Variants in AUTS2 observed in about 807,000 individuals in gnomAD.
AUTS2 encodes the protein activator of transcription and developmental regulator AUTS2, also known as autism susceptibility gene 2 protein.
AUTS2 carries 17 observed loss-of-function variants against 112.4 expected under a neutral mutation model. That is an observed-to-expected ratio of 0.15 (90% CI 0.10 to 0.23). The LOEUF (loss-of-function observed/expected upper bound fraction) is 0.23. AUTS2 is among the 10% of genes least tolerant of loss of function. AUTS2 has a pLI of 1.00. For synonymous variants in AUTS2, 751 were observed against 702.7 expected (o/e 1.07, Z -1.09); for missense variants, 1,510 against 1,701.6 (o/e 0.89, Z 1.98).
At chr7:70,681,694 T>C (rs1255226031) in intron 5 of AUTS2, among the ~76,000 whole-genome samples, 1 of 151,938 alleles carries the variant, frequency 6.6e-6, no homozygotes, top group Admixed American at 6.6e-5. Context: ...GCTGAGGAAG[T>C]GTTAAGTGAA....
intron 2 of AUTS2, among the ~76,000 whole-genome samples, chr7:69,924,608 A>G (rs892878911): frequency 6.7e-5 from 10 of 150,300 alleles, no homozygotes; most frequent in Non-Finnish European, 1.0e-4. Flanking sequence ...CTGAAGTGCA[A>G]TGGCGCAAAC....
chr7:70,336,222 A>G (rs951474194), intron 4 of AUTS2, among the ~76,000 whole-genome samples: 1 of 152,218 alleles, frequency 6.6e-6, no homozygotes, highest in Admixed American at 6.5e-5. Context: ...ATAAAATGGA[A>G]CAATAAAGAA....
At chr7:70,648,661 G>A (rs1006874224) in intron 5 of AUTS2, among the ~76,000 whole-genome samples, 3 of 151,968 alleles carry the variant, frequency 2.0e-5, no homozygotes, top group Admixed American at 6.6e-5. Flanking sequence ...GGCTCACTGC[G>A]ACCTCCGCCT....
At chr7:70,359,806 G>A (rs2129626163) in intron 4 of AUTS2, among the ~76,000 whole-genome samples, 1 of 152,268 alleles carries the variant, frequency 6.6e-6, no homozygotes, top group South Asian at 2.1e-4. Context: ...CTAAAATTAG[G>A]TTAAGAGGAC....
At chr7:70,546,878 A>T (rs1324578189) in intron 5 of AUTS2, among the ~76,000 whole-genome samples, 1 of 152,098 alleles carries the variant, frequency 6.6e-6, no homozygotes, top group African/African-American at 2.4e-5. Context: ...TTACCCACAG[A>T]TGTGCATGCC....
chr7:70,552,717 C>A (rs1242873493), intron 5 of AUTS2, among the ~76,000 whole-genome samples: 1 of 152,134 alleles, frequency 6.6e-6, no homozygotes, highest in Non-Finnish European at 1.5e-5. Flanking sequence ...TACATTTTTC[C>A]AGACAGACTA....
At chr7:70,581,618 A>G (rs550113825) in intron 5 of AUTS2, among the ~76,000 whole-genome samples, 1 of 152,146 alleles carries the variant, frequency 6.6e-6, no homozygotes, top group African/African-American at 2.4e-5. Context: ...TTGGAAATGT[A>G]TGCTGTTTGT....
chr7:70,673,949 G>A (rs1445022324), intron 5 of AUTS2, among the ~76,000 whole-genome samples: 1 of 152,192 alleles, frequency 6.6e-6, no homozygotes, highest in East Asian at 1.9e-4. Context: ...GCCATGAGGC[G>A]TATCCTACAG....
At chr7:69,724,991 T>G (rs192493423) in intron 1 of AUTS2, among the ~76,000 whole-genome samples, 1 of 152,282 alleles carries the variant, frequency 6.6e-6, no homozygotes, top group East Asian at 1.9e-4. Context: ...TTTAAAGATA[T>G]AAGAACCGAA....
chr7:70,646,226 A>G (rs1249251778), intron 5 of AUTS2, among the ~76,000 whole-genome samples: 1 of 152,200 alleles, frequency 6.6e-6, no homozygotes, highest in African/African-American at 2.4e-5. Context: ...TCATCCCTCT[A>G]AATGGAAACT....
chr7:70,045,723 C>T (rs1345841327), intron 2 of AUTS2, among the ~76,000 whole-genome samples: 1 of 151,646 alleles, frequency 6.6e-6, no homozygotes, highest in East Asian at 1.9e-4. Context: ...GTTCTCCTGC[C>T]CCAGCCTCCC....
chr7:70,258,174 A>G lies in AUTS2; in HGVS notation c.660+123603A>G, dbSNP rs895216863. ...ACAGGTTACTCGCTACTTGTTGGCA[A>G]TGGCCTAACATTGCCTGAGACATGG... On this transcript the variant is annotated intron_variant, in intron 4 of 18. Coordinates refer to ENST00000342771, the MANE Select transcript of AUTS2 (RefSeq NM_015570.4). 4.6e-5 allele frequency among the ~76,000 whole-genome samples: 7 copies of G among 152,240 alleles called. No homozygotes were observed. The South Asian group carries it at 1.2e-3, about 27-fold the overall frequency.
chr7:70,370,422 A>G (rs1323483681), intron 4 of AUTS2, among the ~76,000 whole-genome samples: 2 of 152,208 alleles, frequency 1.3e-5, no homozygotes, highest in African/African-American at 2.4e-5. Context: ...TACAAATGGA[A>G]TCATACAATA....
In AUTS2 at chr7:70,728,707, CAAAAAA is replaced by C. The variant is rs55878540; in HGVS notation, c.742+30105_742+30110del. ...TGGGAGACAGAGCGAGACTCTGTCT[CAAAAAA>C]AAAAAAAAAAAAAAAAAGTTCATCT... is the stretch of plus-strand genomic sequence containing the variant. On this transcript the variant is annotated intron_variant, in intron 6 of 18. Transcript: ENST00000342771. Among the ~76,000 whole-genome samples the C allele has an allele frequency of 2.3e-3, 188 of 81,604 alleles. 1 individual carries two copies. The East Asian group carries it at 0.029, about 13-fold the overall frequency. The allele number at this position is 81,604 out of a possible 152,430, so 53.5% of individuals were successfully genotyped here.
intron 2 of AUTS2, among the ~76,000 whole-genome samples, chr7:70,019,520 T>G (rs192114603): frequency 6.6e-5 from 10 of 152,338 alleles, no homozygotes; most frequent in Admixed American, 6.5e-4. Context: ...TAGGTCCATT[T>G]AATTTGTTTA....
At chr7:70,334,636 C>T (rs778525108) in intron 4 of AUTS2, among the ~76,000 whole-genome samples, 10 of 152,136 alleles carry the variant, frequency 6.6e-5, no homozygotes, top group Non-Finnish European at 1.0e-4. Flanking sequence ...AGGAATTGTA[C>T]GCCTTGCTCA....
Position 70,736,269 on chromosome 7 carries a change from C to CA in AUTS2, c.743-26591dup, listed in dbSNP as rs796350772. On this transcript the variant is annotated intron_variant, in intron 6 of 18. Transcript: ENST00000342771. ...GAACTGAAGAGTTAAATATGTATTA[C>CA]AAAAAAAAAAGCCAGCAGAAAAATC... 5.6e-3 allele frequency among the ~76,000 whole-genome samples: 792 copies of CA among 142,122 alleles called. 8 individuals carry two copies. Among genetic ancestry groups the CA allele is most frequent in the African/African-American group, 0.013 (487 of 38,796 alleles). 93.2% of individuals were successfully genotyped at this position (142,122 alleles called of 152,430 possible).
At chr7:70,087,749 C>T (rs182714072) in intron 2 of AUTS2, among the ~76,000 whole-genome samples, 5 of 152,186 alleles carry the variant, frequency 3.3e-5, no homozygotes, top group Admixed American at 3.3e-4. Context: ...GGAAGTATTC[C>T]CTTCTCTCCA....
chr7:70,110,794 T>C (rs989245241), intron 2 of AUTS2, among the ~76,000 whole-genome samples: 6 of 152,082 alleles, frequency 3.9e-5, no homozygotes, highest in African/African-American at 1.4e-4. Flanking sequence ...ATGAAACTTG[T>C]CTAATTGCAT....
Sources: allele counts gnomAD v4.1 joint callset (sites outside exome capture counted in the v4.1 genomes callset), GRCh38; gene constraint gnomAD v4.1.1; transcripts MANE v1.5; gene names NCBI Gene and HGNC (gene_info 2026-07-23, HGNC 2026-07-21).